Variants in MMP26 observed in about 807,000 individuals in gnomAD.
MMP26 encodes matrix metallopeptidase 26, also known as matrix metalloproteinase-26.
A neutral mutation model predicts 31.0 loss-of-function variants in MMP26; 33 were observed. That is an observed-to-expected ratio of 1.06 (90% CI 0.81 to 1.42). The LOEUF (loss-of-function observed/expected upper bound fraction) is 1.42. MMP26 is among the 40% of genes most tolerant of loss of function. The pLI is 0.00. For missense variants in MMP26, 347 were observed against 316.1 expected, an observed-to-expected ratio of 1.10 and a Z score of -0.74; for synonymous variants, 122 against 114.9, an observed-to-expected ratio of 1.06 and a Z score of -0.40.
rs1428093040 is a variant in MMP26, at chr11:4,841,668, C to T, written c.-145+74327C>T. On this transcript the variant is annotated intron_variant, in intron 2 of 7. Coordinates refer to ENST00000380390, the MANE Select transcript of MMP26 (RefSeq NM_021801.5). ...AAATGCTAGCCCGAGCATGGCGGCTCACATCTGTAATCCCAGCACTTTGGG... is the reference window on the plus strand; with the variant it reads ...AAATGCTAGCCCGAGCATGGCGGCTTACATCTGTAATCCCAGCACTTTGGG... 2.0e-5 allele frequency among the ~76,000 whole-genome samples: 3 copies of T among 152,188 alleles called. No individual in the cohort carries two copies. The East Asian group carries it at 5.8e-4, about 29-fold the overall frequency.
intron 2 of MMP26, among the ~76,000 whole-genome samples, chr11:4,768,222 T>G (rs1027488364): frequency 6.6e-6 from 1 of 152,236 alleles, no homozygotes; most frequent in African/African-American, 2.4e-5. Context: ...TTACATTCTT[T>G]TCTAGTTCTC....
intron 2 of MMP26, among the ~76,000 whole-genome samples, chr11:4,911,994 A>G (rs919025345): frequency 6.6e-6 from 1 of 152,166 alleles, no homozygotes; most frequent in Non-Finnish European, 1.5e-5. Context: ...CAACCGCTCT[A>G]GAAATCCACC....
rs1273421048 is a variant in MMP26 at position 4,947,268 on chromosome 11, TTGG to T, written c.-144-40798_-144-40796del. ...TGGCTATCATCATGAAGAGAGATGG[TTGG>T]TTGCTGCTTTGGACTATAATCTGTC... On this transcript the variant is annotated intron_variant, in intron 2 of 7. Coordinates refer to ENST00000380390, the MANE Select transcript of MMP26 (RefSeq NM_021801.5). The T allele has an allele frequency of 7.1e-4, 56 of 78,948 alleles. 18 individuals are homozygous for T. The highest frequency in any genetic ancestry group is 2.4e-3 in the Admixed American group (8 of 3,274). 4.9% of individuals were successfully genotyped at this position (78,948 alleles called of 1,614,324 possible). A position where few individuals can be genotyped will look rare whatever the true frequency, so the allele number is the denominator to read the frequency against.
At chr11:4,959,718 T>A (rs755389061) in intron 2 of MMP26, among the ~76,000 whole-genome samples, 1 of 152,188 alleles carries the variant, frequency 6.6e-6, no homozygotes, top group Non-Finnish European at 1.5e-5. Context: ...TTTCTTGTCC[T>A]CTATTGCCCT....
At chr11:4,918,980 A>T (rs965215738) in intron 2 of MMP26, among the ~76,000 whole-genome samples, 1 of 152,228 alleles carries the variant, frequency 6.6e-6, no homozygotes, top group Non-Finnish European at 1.5e-5. Flanking sequence ...TGCCTGCATG[A>T]CAATTTTGCC....
chr11:4,923,930 A>G, intron 2 of MMP26: 1 of 1,614,162 alleles, frequency 6.2e-7, no homozygotes. Flanking sequence ...AGGTGTCAGG[A>G]CGGTGGAGTC....
chr11:4,706,191 G>T (rs1159038183), intron 1 of MMP26, among the ~76,000 whole-genome samples: 1 of 152,140 alleles, frequency 6.6e-6, no homozygotes, highest in African/African-American at 2.4e-5. Context: ...TTATTAGAGA[G>T]AAATATAGCC....
chr11:4,864,312 A>G (rs1361033667), intron 2 of MMP26, among the ~76,000 whole-genome samples: 2 of 152,190 alleles, frequency 1.3e-5, no homozygotes, highest in African/African-American at 4.8e-5. Context: ...AAATACAGGA[A>G]CAGCTGGTTA....
chr11:4,820,014 A>G (rs978920593), intron 2 of MMP26, among the ~76,000 whole-genome samples: 1 of 152,186 alleles, frequency 6.6e-6, no homozygotes. Context: ...AAAGAGCTTC[A>G]TATCTCCACA....
chr11:4,769,669 T>A, intron 2 of MMP26: 1 of 1,612,970 alleles, frequency 6.2e-7, no homozygotes, highest in Non-Finnish European at 8.5e-7. Context: ...GGATACCTAA[T>A]GTTGTTGACA....
Position 4,925,774 on chromosome 11 carries a change from A to C in MMP26, c.-144-62294A>C, listed in dbSNP as rs112844678. ...ACCAAGCCACCACTGTTAACTACAA[A>C]AAAAAAAAAAATGAAGTAGGACAAG... On this transcript the variant is annotated intron_variant, in intron 2 of 7. Coordinates refer to ENST00000380390, the MANE Select transcript of MMP26 (RefSeq NM_021801.5). Among the ~76,000 whole-genome samples, 1,382 of 149,714 alleles carry C rather than the reference A, an allele frequency of 9.2e-3. 26 individuals carry two copies. Among genetic ancestry groups the C allele is most frequent in the African/African-American group, 0.033 (1,308 of 39,672 alleles).
At chr11:4,745,520 C>T (rs1481553715) in intron 1 of MMP26, among the ~76,000 whole-genome samples, 1 of 152,170 alleles carries the variant, frequency 6.6e-6, no homozygotes, top group African/African-American at 2.4e-5. Flanking sequence ...CTCCCAGCGC[C>T]ACATGCACAT....
chr11:4,941,845 G>A (rs1445917414), intron 2 of MMP26, among the ~76,000 whole-genome samples: 4 of 151,626 alleles, frequency 2.6e-5, no homozygotes, highest in Admixed American at 2.6e-4. Flanking sequence ...CAGCACTTTG[G>A]GAGGCCGAGG....
chr11:4,923,759 A>C lies in MMP26; in HGVS notation c.-144-64309A>C, dbSNP rs755308386. On this transcript the variant is annotated intron_variant, in intron 2 of 7. Transcript: ENST00000380390. ...GAGCCCATAGATGTGATTGACAATGATGCTAGAGCAGGCCAGCTTCATGAT... is the reference window on the plus strand; with the variant it reads ...GAGCCCATAGATGTGATTGACAATGCTGCTAGAGCAGGCCAGCTTCATGAT... The C allele has an allele frequency of 3.1e-6, 5 of 1,613,872 alleles. No homozygotes were observed. Among genetic ancestry groups the C allele is most frequent in the Admixed American group, 1.7e-5 (1 of 59,988 alleles).
At chr11:4,965,911 G>A (rs1309532653) in intron 2 of MMP26, among the ~76,000 whole-genome samples, 4 of 152,086 alleles carry the variant, frequency 2.6e-5, no homozygotes, top group African/African-American at 9.7e-5. Context: ...CTCCTTCTAA[G>A]TAGTTGTAGC....
chr11:4,828,741 A>T (rs1327148398), intron 2 of MMP26, among the ~76,000 whole-genome samples: 1 of 152,114 alleles, frequency 6.6e-6, no homozygotes, highest in African/African-American at 2.4e-5. Flanking sequence ...TCTAGGCCTT[A>T]ATTATATTTT....
intron 2 of MMP26, among the ~76,000 whole-genome samples, chr11:4,819,678 A>G (rs1589910586): frequency 6.8e-6 from 1 of 148,100 alleles, no homozygotes; most frequent in African/African-American, 2.5e-5. Context: ...TCTGAGCTCA[A>G]GAAATTCTCC....
At position 4,866,371 on chromosome 11, in the gene MMP26, T is replaced by A. The variant is rs140680010; in HGVS notation, c.-145+99030T>A. Among the ~76,000 whole-genome samples the A allele has an allele frequency of 6.3e-4, 96 of 152,222 alleles. 1 individual carries two copies. The highest frequency in any genetic ancestry group is 2.2e-3 in the African/African-American group (93 of 41,546). On this transcript the variant is annotated intron_variant, in intron 2 of 7. Coordinates refer to ENST00000380390, the MANE Select transcript of MMP26 (RefSeq NM_021801.5). ...TTAAAAGCAATTAAGAATCTAAGGTTTCTATTATATCCATGATACCTTGTT... is the reference window on the plus strand; with the variant it reads ...TTAAAAGCAATTAAGAATCTAAGGTATCTATTATATCCATGATACCTTGTT...
At chr11:4,891,943 T>C (rs1170477453) in intron 2 of MMP26, among the ~76,000 whole-genome samples, 4 of 152,114 alleles carry the variant, frequency 2.6e-5, no homozygotes. Context: ...GGCTTTTTCA[T>C]AGGCAACTTA....
Sources: allele counts gnomAD v4.1 joint callset (sites outside exome capture counted in the v4.1 genomes callset), GRCh38; gene constraint gnomAD v4.1.1; transcripts MANE v1.5; gene names NCBI Gene and HGNC (gene_info 2026-07-23, HGNC 2026-07-21).